Variants in PTPRD observed in about 807,000 individuals in gnomAD.
PTPRD encodes receptor-type tyrosine-protein phosphatase delta.
PTPRD carries 34 observed loss-of-function variants against 214.5 expected under a neutral mutation model. That is an observed-to-expected ratio of 0.16 (90% CI 0.12 to 0.21). PTPRD has a LOEUF of 0.21. Ranked by LOEUF, PTPRD falls within the 10% of genes least tolerant of loss-of-function variation. The pLI, the probability that PTPRD is intolerant of heterozygous loss-of-function variation, is 1.00. For synonymous variants in PTPRD, 1,128 were observed against 845.7 expected (o/e 1.33, Z -5.79); for missense variants, 2,545 against 2,398.7 (o/e 1.06, Z -1.27).
chr9:9,714,219 G>C (rs1234050130), intron 7 of PTPRD, among the ~76,000 whole-genome samples: 1 of 152,030 alleles, frequency 6.6e-6, no homozygotes, highest in African/African-American at 2.4e-5. Context: ...TTTTACCATG[G>C]GGCTATAGCA....
chr9:9,827,212 C>T (rs1199485006), intron 5 of PTPRD, among the ~76,000 whole-genome samples: 2 of 151,852 alleles, frequency 1.3e-5, no homozygotes, highest in Non-Finnish European at 2.9e-5. Flanking sequence ...AATCCTAAGC[C>T]AAAAGAACAA....
rs2076059754 is a variant in PTPRD at position 9,900,183 on chromosome 9, T to C, written c.-368+38324A>G. Among the ~76,000 whole-genome samples, 3 of 152,164 alleles carry C rather than the reference T, an allele frequency of 2.0e-5. No homozygotes were observed. In the South Asian group the frequency reaches 6.2e-4, roughly 31 times the overall value. On this transcript the variant is annotated intron_variant, in intron 5 of 45. Transcript: ENST00000381196. Reference sequence around the variant, plus strand: ...CCTACCACATGCCCAGGCTGCAGAATTTTCCAAATTTTTATGCTCTGCTTC... The same window carrying C: ...CCTACCACATGCCCAGGCTGCAGAACTTTCCAAATTTTTATGCTCTGCTTC...
rs373326052 is a variant in PTPRD, at chr9:9,556,553, C to G, written c.-237+18179G>C. Among the ~76,000 whole-genome samples, 13 of 152,284 alleles carry G rather than the reference C, an allele frequency of 8.5e-5. No homozygotes were observed. In the South Asian group the frequency reaches 2.7e-3, roughly 32 times the overall value. ...TTCACACTTTGAATCTAACTTGCCCCCAATTTTCTTGCCTGGTGCCTTCCC... is the reference window on the plus strand; with the variant it reads ...TTCACACTTTGAATCTAACTTGCCCGCAATTTTCTTGCCTGGTGCCTTCCC... On this transcript the variant is annotated intron_variant, in intron 8 of 45. Coordinates refer to ENST00000381196, the MANE Select transcript of PTPRD (RefSeq NM_002839.4).
intron 10 of PTPRD, among the ~76,000 whole-genome samples, chr9:9,035,524 C>A (rs1265171082): frequency 2.0e-5 from 3 of 152,006 alleles, no homozygotes; most frequent in African/African-American, 7.2e-5. Context: ...AAGTTATAAA[C>A]CTCCCTCCCG....
At chr9:9,009,336 A>C (rs1387951109) in intron 11 of PTPRD, among the ~76,000 whole-genome samples, 1 of 152,108 alleles carries the variant, frequency 6.6e-6, no homozygotes. Flanking sequence ...ACAGAATTGA[A>C]ATATTGGGTT....
intron 4 of PTPRD, among the ~76,000 whole-genome samples, chr9:9,986,270 A>G (rs2095707475): frequency 6.6e-6 from 1 of 152,144 alleles, no homozygotes; most frequent in Non-Finnish European, 1.5e-5. Context: ...TAACTGGACA[A>G]TAGTAAAAGG....
At chr9:9,123,132 G>A (rs1036222822) in intron 10 of PTPRD, among the ~76,000 whole-genome samples, 1 of 152,172 alleles carries the variant, frequency 6.6e-6, no homozygotes, top group Non-Finnish European at 1.5e-5. Flanking sequence ...TGGTGGAAAA[G>A]TGTCTGCCAT....
chr9:10,427,820 G>A (rs188341772), intron 2 of PTPRD, among the ~76,000 whole-genome samples: 18 of 151,962 alleles, frequency 1.2e-4, no homozygotes, highest in Admixed American at 9.9e-4. Flanking sequence ...TAAAACCACC[G>A]CCTACCTCCA....
chr9:10,425,129 T>C (rs2098600615), intron 2 of PTPRD, among the ~76,000 whole-genome samples: 4 of 151,994 alleles, frequency 2.6e-5, no homozygotes, highest in Admixed American at 2.6e-4. Flanking sequence ...GTTCATGCTA[T>C]AAATAAAATC....
At chr9:8,360,521 G>T (rs554511058) in intron 39 of PTPRD, among the ~76,000 whole-genome samples, 7 of 152,132 alleles carry the variant, frequency 4.6e-5, no homozygotes, top group Non-Finnish European at 8.8e-5. Flanking sequence ...ATAGATCAAG[G>T]TTCCTTCTGA....
chr9:9,440,629 G>T (rs753575468), intron 8 of PTPRD, among the ~76,000 whole-genome samples: 1 of 152,180 alleles, frequency 6.6e-6, no homozygotes, highest in Non-Finnish European at 1.5e-5. Context: ...TCTATTTACC[G>T]ATGGTAGACA....
At chr9:8,557,435 CATAT>C (rs34006120) in intron 14 of PTPRD, among the ~76,000 whole-genome samples, 9 of 133,612 alleles carry the variant, frequency 6.7e-5, no homozygotes, top group Admixed American at 1.5e-4. Context: ...TTTGTAAATA[CATAT>C]ATATATATAT....
chr9:9,890,448 C>A (rs1306603806), intron 5 of PTPRD, among the ~76,000 whole-genome samples: 1 of 152,046 alleles, frequency 6.6e-6, no homozygotes. Context: ...ATCTGCCTGC[C>A]TTGGCCTCCC....
At chr9:9,012,615 C>G (rs1163400354) in intron 11 of PTPRD, among the ~76,000 whole-genome samples, 2 of 152,124 alleles carry the variant, frequency 1.3e-5, no homozygotes, top group African/African-American at 4.8e-5. Context: ...AATGACTGTT[C>G]TACTTTAAGT....
chr9:10,353,857 C>T (rs190610470), intron 2 of PTPRD, among the ~76,000 whole-genome samples: 1 of 151,752 alleles, frequency 6.6e-6, no homozygotes, highest in Admixed American at 6.6e-5. Flanking sequence ...GGAAAACTAC[C>T]ACAAAACACA....
At chr9:8,730,326 G>A (rs1016769338) in intron 12 of PTPRD, among the ~76,000 whole-genome samples, 3 of 152,126 alleles carry the variant, frequency 2.0e-5, no homozygotes, top group Non-Finnish European at 2.9e-5. Flanking sequence ...TAACAATAAG[G>A]AAGGAGAATG....
rs1007203333 is a variant in PTPRD at position 8,436,490 on chromosome 9, T to A, written c.4086+102A>T. The A allele has an allele frequency of 3.9e-5, 33 of 842,256 alleles. No homozygotes were observed. The African/African-American group carries it at 4.8e-4, about 12-fold the overall frequency. The allele number at this position is 842,256 out of a possible 1,614,324, so 52.2% of individuals were successfully genotyped here. A position where few individuals can be genotyped will look rare whatever the true frequency, so the allele number is the denominator to read the frequency against. On this transcript the variant is annotated intron_variant, in intron 35 of 45. Transcript: ENST00000381196. ...TTTTTATATCATATTTGAGTCATAT[T>A]TAAAGGGAAAAGCACTGATGAAGTT...
chr9:10,057,422 T>C (rs1015462486), intron 3 of PTPRD, among the ~76,000 whole-genome samples: 1 of 152,118 alleles, frequency 6.6e-6, no homozygotes, highest in Non-Finnish European at 1.5e-5. Flanking sequence ...GCATTAGCTG[T>C]TTTGTACCAG....
intron 11 of PTPRD, among the ~76,000 whole-genome samples, chr9:8,791,723 G>A (rs1021391977): frequency 6.6e-6 from 1 of 151,774 alleles, no homozygotes; most frequent in African/African-American, 2.4e-5. Context: ...AGAAAGGAAC[G>A]TGAGATGACT....
Sources: allele counts gnomAD v4.1 joint callset (sites outside exome capture counted in the v4.1 genomes callset), GRCh38; gene constraint gnomAD v4.1.1; transcripts MANE v1.5; gene names NCBI Gene and HGNC (gene_info 2026-07-23, HGNC 2026-07-21).